Variants in UGT1A7 observed in about 807,000 individuals in gnomAD.
The protein encoded by UGT1A7 is UDP-glucuronosyltransferase 1A7.
A neutral mutation model predicts 45.6 loss-of-function variants in UGT1A7; 33 were observed. The ratio of observed to expected loss-of-function variants is 0.72; its 90% CI spans 0.55 to 0.97. UGT1A7 has a LOEUF of 0.97. Among genes scored for constraint, UGT1A7 ranks in the 50% least tolerant of loss-of-function variants. The pLI is 0.00. For missense variants in UGT1A7, 684 were observed against 666.2 expected (o/e 1.03, Z -0.29); for synonymous variants, 274 against 250.6 (o/e 1.09, Z -0.88).
chr2:233,747,270 T>C (rs1378649529), intron 1 of UGT1A7: 110 of 1,598,986 alleles, frequency 6.9e-5, no homozygotes, highest in Non-Finnish European at 9.1e-5. Context: ...TGCTACTCCT[T>C]CTCAGTGCCC....
At chr2:233,697,927 G>A (rs900659562) in intron 1 of UGT1A7, among the ~76,000 whole-genome samples, 1 of 152,072 alleles carries the variant, frequency 6.6e-6, no homozygotes. Context: ...GAAGTCTAGG[G>A]TATTGGAAAA....
At chr2:233,692,890 A>C in intron 1 of UGT1A7, 1 of 1,522,444 alleles carries the variant, frequency 6.6e-7, no homozygotes, top group South Asian at 1.4e-5. Flanking sequence ...AGAGCAAGGG[A>C]GAGGTAGACA....
intron 1 of UGT1A7, among the ~76,000 whole-genome samples, chr2:233,766,257 AGTGGCCCGGGCTCG>A (rs36213637): frequency 0.33 from 50,708 of 151,412 alleles, 8,925 homozygotes; most frequent in African/African-American, 0.42. Context: ...CAGACCGCTC[AGTGGCCCGGGCTCG>A]GTGGCCCGGG....
At chr2:233,693,340 C>T (rs2075146387) in intron 1 of UGT1A7, 1 of 1,614,074 alleles carries the variant, frequency 6.2e-7, no homozygotes, top group Admixed American at 1.7e-5. Context: ...AGACAGAGTA[C>T]AGGAATAACA....
At chr2:233,756,596 T>C (rs985647767) in intron 1 of UGT1A7, among the ~76,000 whole-genome samples, 4 of 152,230 alleles carry the variant, frequency 2.6e-5, no homozygotes, top group African/African-American at 7.2e-5. Context: ...CTATTTACTG[T>C]ATCGAAACCA....
intron 1 of UGT1A7, among the ~76,000 whole-genome samples, chr2:233,701,256 A>T (rs2075619481): frequency 6.6e-6 from 1 of 152,150 alleles, no homozygotes; most frequent in African/African-American, 2.4e-5. Context: ...GGCTGGGTCA[A>T]ATGGTATTTC....
chr2:233,759,815 C>T (rs1383098545), intron 1 of UGT1A7, among the ~76,000 whole-genome samples: 3 of 152,074 alleles, frequency 2.0e-5, no homozygotes, highest in Non-Finnish European at 4.4e-5. Flanking sequence ...CAGGCAGTAC[C>T]GGGGGAGCTG....
At chr2:233,729,952 A>T in intron 1 of UGT1A7, 1 of 1,614,072 alleles carries the variant, frequency 6.2e-7, no homozygotes, top group South Asian at 1.1e-5. Context: ...CATGGTCTTC[A>T]TTGGGGGCAT....
intron 1 of UGT1A7, among the ~76,000 whole-genome samples, chr2:233,762,901 A>G (rs545178357): frequency 1.3e-5 from 2 of 152,194 alleles, no homozygotes; most frequent in Admixed American, 6.5e-5. Flanking sequence ...GCCAAATATC[A>G]GGGCTATTGA....
rs939644938 is a variant in UGT1A7 at position 233,772,877 on chromosome 2, G to A, written c.*318G>A. On this transcript the variant is annotated 3_prime_UTR_variant, in exon 5 of 5. Coordinates refer to ENST00000373426, the MANE Select transcript of UGT1A7 (RefSeq NM_019077.3). Reference sequence around the variant, plus strand: ...TGAAACATGGCCTGTTTGGGAGTGCGGGATTCAAAGGTGGTCCCACGGCTG... The same window carrying A: ...TGAAACATGGCCTGTTTGGGAGTGCAGGATTCAAAGGTGGTCCCACGGCTG... 4.0e-5 allele frequency: 23 copies of A among 579,274 alleles called. No individual in the cohort carries two copies. The highest frequency in any genetic ancestry group is 3.1e-4 in the East Asian group (6 of 19,490). The allele number at this position is 579,274 out of a possible 1,614,324, so 35.9% of individuals were successfully genotyped here. A position where few individuals can be genotyped will look rare whatever the true frequency, so the allele number is the denominator to read the frequency against.
At position 233,682,586 on chromosome 2, in the gene UGT1A7, C is replaced by T; in HGVS notation, c.649C>T (p.His217Tyr). Reference sequence around the variant, plus strand: ...GAACCACATCATGCACTTGGAGGAACATTTATTTTGCCCCTATTTTTTCAA... The same window carrying T: ...GAACCACATCATGCACTTGGAGGAATATTTATTTTGCCCCTATTTTTTCAA... ...VWNHIMHLEE[H>Y]LFCPYFFKNV... Residue 217 changes from histidine to tyrosine, a missense_variant, in exon 1 of 5, where the codon CAT (histidine) becomes TAT (tyrosine). Coordinates refer to ENST00000373426, the MANE Select transcript of UGT1A7 (RefSeq NM_019077.3). 1 of 1,613,922 alleles carries T rather than the reference C, an allele frequency of 6.2e-7. No homozygotes were observed.
chr2:233,762,413 T>A (rs977567909), intron 1 of UGT1A7, among the ~76,000 whole-genome samples: 9 of 152,252 alleles, frequency 5.9e-5, no homozygotes, highest in African/African-American at 2.2e-4. Flanking sequence ...GGTTGCTTTT[T>A]CTACAAAATA....
intron 1 of UGT1A7, chr2:233,713,205 G>C: frequency 6.2e-7 from 1 of 1,614,240 alleles, no homozygotes; most frequent in Non-Finnish European, 8.5e-7. Context: ...CATCAAAGAA[G>C]AGAACTTTTT....
chr2:233,700,300 T>C (rs777696767), intron 1 of UGT1A7, among the ~76,000 whole-genome samples: 9 of 152,238 alleles, frequency 5.9e-5, no homozygotes, highest in Non-Finnish European at 1.0e-4. Context: ...CTTAGGCCAA[T>C]GTCTACAATG....
chr2:233,698,637 A>G (rs539237252), intron 1 of UGT1A7, among the ~76,000 whole-genome samples: 1 of 152,378 alleles, frequency 6.6e-6, no homozygotes, highest in Admixed American at 6.5e-5. Flanking sequence ...CTAACAGGTT[A>G]GTAAGCATGC....
rs368882210 is a variant in UGT1A7 at position 233,718,907 on chromosome 2, A to G, written c.855+36115A>G. The G allele has an allele frequency of 5.1e-5, 83 of 1,614,008 alleles. No homozygotes were observed. In the East Asian group the frequency reaches 5.3e-4, roughly 10 times the overall value. On this transcript the variant is annotated intron_variant, in intron 1 of 4. Coordinates refer to ENST00000373426, the MANE Select transcript of UGT1A7 (RefSeq NM_019077.3). ...GTGTCCAGCCCTGGGCTGAGAGTGG[A>G]AAGGTGTTGGTGGTGCCCACTGATG...
chr2:233,700,685 T>C lies in UGT1A7; in HGVS notation c.855+17893T>C, dbSNP rs1275068404. On this transcript the variant is annotated intron_variant, in intron 1 of 4. Coordinates refer to ENST00000373426, the MANE Select transcript of UGT1A7 (RefSeq NM_019077.3). ...TTTTCAGCACAAATTCGTGATAATA[T>C]ATAAACTACACTTTGAATGTTTTTT... Among the ~76,000 whole-genome samples, 59 of 152,174 alleles carry C rather than the reference T, an allele frequency of 3.9e-4. 3 individuals are homozygous for C. Among genetic ancestry groups the C allele is most frequent in the Admixed American group, 3.9e-3 (59 of 15,284 alleles).
At chr2:233,700,177 G>A (rs567551124) in intron 1 of UGT1A7, among the ~76,000 whole-genome samples, 1 of 152,296 alleles carries the variant, frequency 6.6e-6, no homozygotes, top group Admixed American at 6.5e-5. Context: ...GCTCATTCAG[G>A]CTGAAATCTC....
chr2:233,745,165 T>C (rs992163806), intron 1 of UGT1A7, among the ~76,000 whole-genome samples: 1 of 151,884 alleles, frequency 6.6e-6, no homozygotes, highest in African/African-American at 2.4e-5. Flanking sequence ...CAAATGTGCA[T>C]GTTATTCACT....
Sources: gnomAD v4.1 joint callset for allele counts (sites outside exome capture counted in the v4.1 genomes callset) on GRCh38, gnomAD v4.1.1 for gene constraint, MANE v1.5 for transcripts, NCBI Gene and HGNC (gene_info 2026-07-23, HGNC 2026-07-21) for gene names.